Variants in HS6ST2 observed in about 807,000 individuals in gnomAD.
The protein encoded by HS6ST2 is heparan sulfate 6-O-sulfotransferase 2.
In HS6ST2, 17 loss-of-function variants were observed where a neutral mutation model predicts 33.0. The ratio of observed to expected loss-of-function variants is 0.52; its 90% CI spans 0.35 to 0.77. The LOEUF is 0.77. Among genes scored for constraint, HS6ST2 ranks in the 30% least tolerant of loss-of-function variants. HS6ST2 has a pLI of 0.01. For synonymous variants in HS6ST2, 248 were observed against 237.1 expected, an observed-to-expected ratio of 1.05 and a Z score of -0.42; for missense variants, 519 against 551.7, an observed-to-expected ratio of 0.94 and a Z score of 0.59.
intron 2 of HS6ST2, among the ~76,000 whole-genome samples, chrX:132,791,810 C>CAA (rs60249665): frequency 1.1e-3 from 97 of 84,853 alleles, no homozygotes; most frequent in Middle Eastern, 6.0e-3. Flanking sequence ...CCCATTTCTA[C>CAA]AAAAAAAAAA....
At chrX:132,946,444 AG>A (rs1361217997) in intron 2 of HS6ST2, among the ~76,000 whole-genome samples, 1 of 112,321 alleles carries the variant, frequency 8.9e-6, no homozygotes, top group Non-Finnish European at 1.9e-5. Context: ...AGCCATAAAA[AG>A]GATGAGTTCA....
At chrX:132,811,820 C>T (rs1044945961) in intron 2 of HS6ST2, among the ~76,000 whole-genome samples, 9 of 100,932 alleles carry the variant, frequency 8.9e-5, no homozygotes, top group African/African-American at 2.5e-4. Context: ...ATTTATTATC[C>T]TTTGTGTTAC....
chrX:132,869,358 T>A (rs1313536760), intron 2 of HS6ST2, among the ~76,000 whole-genome samples: 1 of 111,989 alleles, frequency 8.9e-6, no homozygotes, highest in Non-Finnish European at 1.9e-5. Context: ...CTGGTACTAT[T>A]CCTTCTGAAA....
At chrX:132,721,019 C>A (rs1315171691) in intron 2 of HS6ST2, among the ~76,000 whole-genome samples, 1 of 111,715 alleles carries the variant, frequency 9.0e-6, no homozygotes, top group African/African-American at 3.3e-5. Flanking sequence ...TTGGATCTAT[C>A]TTCCAGACAG....
intron 3 of HS6ST2, among the ~76,000 whole-genome samples, chrX:132,673,445 A>C (rs2063899569): frequency 8.9e-6 from 1 of 112,683 alleles, no homozygotes; most frequent in Non-Finnish European, 1.9e-5. Flanking sequence ...CATCATGTGC[A>C]TCACAAAAAA....
intron 2 of HS6ST2, among the ~76,000 whole-genome samples, chrX:132,799,132 C>G (rs2065212131): frequency 9.0e-6 from 1 of 110,857 alleles, no homozygotes; most frequent in Non-Finnish European, 1.9e-5. Context: ...AGTTTCTAGG[C>G]TTTAGAAGTC....
chrX:132,887,749 C>A (rs928625165), intron 2 of HS6ST2, among the ~76,000 whole-genome samples: 2 of 112,039 alleles, frequency 1.8e-5, no homozygotes, highest in African/African-American at 6.5e-5. Flanking sequence ...GGAAACAATT[C>A]AAATATCCAT....
At chrX:132,725,537 AAGAG>A (rs954418090) in intron 2 of HS6ST2, among the ~76,000 whole-genome samples, 6 of 112,432 alleles carry the variant, frequency 5.3e-5, no homozygotes, top group African/African-American at 1.9e-4. Flanking sequence ...ATGTGGAGAA[AAGAG>A]AACCCTCATA....
chrX:132,634,873 G>C (rs2063542171), intron 4 of HS6ST2, among the ~76,000 whole-genome samples: 1 of 110,891 alleles, frequency 9.0e-6, no homozygotes, highest in Non-Finnish European at 1.9e-5. Context: ...TGCCTTTTGG[G>C]GTCTCTCAGC....
chrX:132,932,113 G>A (rs1368586431), intron 2 of HS6ST2, among the ~76,000 whole-genome samples: 2 of 107,441 alleles, frequency 1.9e-5, no homozygotes, highest in Non-Finnish European at 3.8e-5. Context: ...GTGAACCCGG[G>A]AGGCGGAGCT....
chrX:132,721,245 T>C (rs2064324794), intron 2 of HS6ST2, among the ~76,000 whole-genome samples: 1 of 111,903 alleles, frequency 8.9e-6, no homozygotes, highest in African/African-American at 3.3e-5. Flanking sequence ...CTGTCTGCAA[T>C]GGAATAAAGC....
chrX:132,701,980 G>A (rs2064147529), intron 3 of HS6ST2, among the ~76,000 whole-genome samples: 1 of 112,191 alleles, frequency 8.9e-6, no homozygotes, highest in Admixed American at 9.4e-5. Context: ...TGCTCTAGCT[G>A]GCAGAGGTTA....
At chrX:132,762,028 A>T (rs748186835) in intron 2 of HS6ST2, among the ~76,000 whole-genome samples, 151 of 112,254 alleles carry the variant, frequency 1.3e-3, no homozygotes, top group African/African-American at 4.3e-3. Flanking sequence ...TAGCTGGCGC[A>T]TGATGAGCTC....
intron 2 of HS6ST2, among the ~76,000 whole-genome samples, chrX:132,867,989 C>T (rs1205280813): frequency 8.9e-6 from 1 of 111,852 alleles, no homozygotes; most frequent in Non-Finnish European, 1.9e-5. Flanking sequence ...CAAAGACTGG[C>T]AAATTGGATA....
chrX:132,957,352 T>G, intron 1 of HS6ST2, 26 bp from the exon 2 acceptor site: 1 of 1,143,065 alleles, frequency 8.7e-7, no homozygotes, highest in Non-Finnish European at 1.2e-6. Context: ...GCTCGTTACG[T>G]CAATCCCGCA....
At chrX:132,733,217 C>T (rs904899877) in intron 2 of HS6ST2, among the ~76,000 whole-genome samples, 3 of 112,003 alleles carry the variant, frequency 2.7e-5, no homozygotes, top group Non-Finnish European at 5.6e-5. Flanking sequence ...CTCTTCCTCT[C>T]ATGCATTTTC....
At chrX:132,793,331 G>T in intron 2 of HS6ST2, among the ~76,000 whole-genome samples, 1 of 110,068 alleles carries the variant, frequency 9.1e-6, no homozygotes, top group East Asian at 2.9e-4. Context: ...AAAGTACTGG[G>T]ATTACAGCAT....
At chrX:132,667,330 C>T (rs1233035519) in intron 4 of HS6ST2, among the ~76,000 whole-genome samples, 1 of 111,683 alleles carries the variant, frequency 9.0e-6, no homozygotes, top group Non-Finnish European at 1.9e-5. Flanking sequence ...CTATGAGTCA[C>T]TATACATGTC....
At chrX:132,760,713 TC>T (rs773851316) in intron 2 of HS6ST2, among the ~76,000 whole-genome samples, 121 of 110,876 alleles carry the variant, frequency 1.1e-3, no homozygotes, top group Non-Finnish European at 2.0e-3. Context: ...AATGAGCACT[TC>T]GAGTTCAGTG....
Sources: allele counts gnomAD v4.1 joint callset (sites outside exome capture counted in the v4.1 genomes callset), GRCh38; gene constraint gnomAD v4.1.1; transcripts MANE v1.5; gene names NCBI Gene and HGNC (gene_info 2026-07-23, HGNC 2026-07-21).